SRBD1: variants seen among roughly 807,000 people sequenced by gnomAD.
The protein encoded by SRBD1 is S1 RNA-binding domain-containing protein 1.
In SRBD1, 88 loss-of-function variants were observed where a neutral mutation model predicts 115.3. The observed-to-expected ratio is 0.76, with a 90% CI of 0.64 to 0.91. The LOEUF (loss-of-function observed/expected upper bound fraction) is 0.91. Among genes scored for constraint, SRBD1 ranks in the 40% least tolerant of loss-of-function variants. The probability of loss-of-function intolerance (pLI) is 0.00; values close to 1 mark genes in which losing one functional copy is unlikely to be tolerated. For missense variants in SRBD1, 1,385 were observed against 1,177.4 expected, an observed-to-expected ratio of 1.18 and a Z score of -2.58; for synonymous variants, 509 against 407.7, an observed-to-expected ratio of 1.25 and a Z score of -2.99.
chr2:45,518,755 A>AGCTGTATTGCAGCTGTATTT (rs1366364303), intron 14 of SRBD1, among the ~76,000 whole-genome samples: 1 of 152,214 alleles, frequency 6.6e-6, no homozygotes, highest in African/African-American at 2.4e-5. Context: ...TAAAGGATAC[A>AGCTGTATTGCAGCTGTATTT]GCTGTATTGC....
chr2:45,562,779 G>A, intron 9 of SRBD1, 23 bp from the exon 10 acceptor site: 2 of 1,524,470 alleles, frequency 1.3e-6, no homozygotes, highest in Non-Finnish European at 1.8e-6. Flanking sequence ...ATAAGGCAAA[G>A]ACTAATAATC....
intron 16 of SRBD1, among the ~76,000 whole-genome samples, chr2:45,446,950 A>T (rs2103729375): frequency 6.6e-6 from 1 of 152,292 alleles, no homozygotes; most frequent in South Asian, 2.1e-4. Context: ...ATGAACTTAG[A>T]ACATTTACTT....
At chr2:45,432,321 G>A (rs931716331) in intron 16 of SRBD1, among the ~76,000 whole-genome samples, 6 of 152,084 alleles carry the variant, frequency 3.9e-5, no homozygotes, top group African/African-American at 1.5e-4. Flanking sequence ...GAGCCACTGC[G>A]CCTGGCCAAC....
At chr2:45,486,810 G>T (rs1670136477) in intron 15 of SRBD1, among the ~76,000 whole-genome samples, 1 of 151,720 alleles carries the variant, frequency 6.6e-6, no homozygotes, top group South Asian at 2.1e-4. Context: ...ATACCTCACA[G>T]GGGAATAGAA....
intron 18 of SRBD1, among the ~76,000 whole-genome samples, chr2:45,416,707 C>G (rs891628060): frequency 6.6e-6 from 1 of 152,158 alleles, no homozygotes; most frequent in Non-Finnish European, 1.5e-5. Flanking sequence ...GAAACTTTTT[C>G]AAGTGAGACT....
chr2:45,550,422 C>T (rs1672259272), intron 12 of SRBD1, among the ~76,000 whole-genome samples: 1 of 149,574 alleles, frequency 6.7e-6, no homozygotes, highest in Non-Finnish European at 1.5e-5. Context: ...AGGAAAAGGA[C>T]ATATTACCTT....
intron 16 of SRBD1, among the ~76,000 whole-genome samples, chr2:45,428,006 G>C (rs1489399178): frequency 1.3e-5 from 2 of 152,124 alleles, no homozygotes; most frequent in East Asian, 1.9e-4. Context: ...AGACCTAATA[G>C]ACATCTACAG....
At chr2:45,436,577 G>A (rs1668505801) in intron 16 of SRBD1, among the ~76,000 whole-genome samples, 1 of 152,170 alleles carries the variant, frequency 6.6e-6, no homozygotes, top group African/African-American at 2.4e-5. Flanking sequence ...ATGATAGAAG[G>A]GGAAGCAGGC....
Position 45,562,735 on chromosome 2 carries a change from C to G in SRBD1, c.1327G>C (p.Glu443Gln). ...HHQILAINRGENLKVLTVKVN... is the reference protein window; with the variant it reads ...HHQILAINRGQNLKVLTVKVN... ...TTAACCGTCAGTACCTTCAAATTTT[C>G]TCCACGGTTAATTGCCAGAATCTGA... is the stretch of plus-strand genomic sequence containing the variant. Residue 443 changes from glutamate (E) to glutamine (Q), a missense_variant, in exon 10 of 21, where the codon GAA becomes CAA. Coordinates refer to ENST00000263736, the MANE Select transcript of SRBD1 (RefSeq NM_018079.5). 6.2e-7 allele frequency: 1 copy of G among 1,608,534 alleles called. No individual in the cohort carries two copies. Among genetic ancestry groups the G allele is most frequent in the Non-Finnish European group, 8.5e-7 (1 of 1,178,496 alleles).
chr2:45,557,778 T>A (rs886824027), intron 10 of SRBD1, among the ~76,000 whole-genome samples: 3 of 152,196 alleles, frequency 2.0e-5, no homozygotes, highest in African/African-American at 7.2e-5. Context: ...GAAAATATGA[T>A]GGGTTTGCCT....
intron 14 of SRBD1, among the ~76,000 whole-genome samples, chr2:45,507,314 G>A (rs115026146): frequency 6.6e-6 from 1 of 151,912 alleles, no homozygotes; most frequent in South Asian, 2.1e-4. Flanking sequence ...ACAAACCAAG[G>A]CACTTAAATG....
chr2:45,427,697 T>C (rs1178254832), intron 16 of SRBD1, among the ~76,000 whole-genome samples: 1 of 152,080 alleles, frequency 6.6e-6, no homozygotes, highest in Non-Finnish European at 1.5e-5. Flanking sequence ...CTGATGAACA[T>C]CAATGCGAAA....
chr2:45,592,726 T>C (rs188798543), intron 4 of SRBD1, among the ~76,000 whole-genome samples: 130 of 152,290 alleles, frequency 8.5e-4, no homozygotes, highest in Admixed American at 2.2e-3. Context: ...GTCTCACCTG[T>C]TGAGTCAACC....
rs114153997 is a variant in SRBD1 at position 45,402,376 on chromosome 2, G to A, written c.2514-9247C>T. 4.2e-3 allele frequency among the ~76,000 whole-genome samples: 638 copies of A among 152,134 alleles called. 3 individuals carry two copies. The highest frequency in any genetic ancestry group is 0.015 in the African/African-American group (606 of 41,510). ...TCCCAGACCTGAATTTTACATTGACGGCTGTCTACTCTCTGATACTTTTCA... is the reference window on the plus strand; with the variant it reads ...TCCCAGACCTGAATTTTACATTGACAGCTGTCTACTCTCTGATACTTTTCA... On this transcript the variant is annotated intron_variant, in intron 19 of 20. Transcript: ENST00000263736.
intron 14 of SRBD1, among the ~76,000 whole-genome samples, chr2:45,513,837 A>G (rs188268762): frequency 7.2e-4 from 109 of 152,124 alleles, no homozygotes; most frequent in African/African-American, 2.5e-3. Flanking sequence ...CAAAGATAAA[A>G]GGTAAAAATT....
intron 19 of SRBD1, among the ~76,000 whole-genome samples, chr2:45,411,174 G>A (rs1667590890): frequency 6.6e-6 from 1 of 152,102 alleles, no homozygotes; most frequent in African/African-American, 2.4e-5. Context: ...TAAATTAGAG[G>A]ACACCCAGGT....
intron 16 of SRBD1, among the ~76,000 whole-genome samples, chr2:45,425,741 C>T (rs1445409245): frequency 6.6e-6 from 1 of 152,070 alleles, no homozygotes; most frequent in Non-Finnish European, 1.5e-5. Flanking sequence ...GGAACTCCCT[C>T]CCTCCCCTAG....
At chr2:45,413,009 T>C in intron 19 of SRBD1, 105 bp downstream of exon 19, 4 of 1,322,874 alleles carry the variant, frequency 3.0e-6, no homozygotes, top group Non-Finnish European at 4.1e-6. Flanking sequence ...TGTTGTCACA[T>C]TAAACGGTCA....
chr2:45,459,768 G>T (rs1360395053), intron 16 of SRBD1, among the ~76,000 whole-genome samples: 2 of 152,058 alleles, frequency 1.3e-5, no homozygotes, highest in Non-Finnish European at 2.9e-5. Context: ...CTTTCCCAAG[G>T]TGACATGACA....
Sources: gnomAD v4.1 joint callset for allele counts (sites outside exome capture counted in the v4.1 genomes callset) on GRCh38, gnomAD v4.1.1 for gene constraint, MANE v1.5 for transcripts, NCBI Gene and HGNC (gene_info 2026-07-23, HGNC 2026-07-21) for gene names.